Variants in PRPF3 observed in about 807,000 individuals in gnomAD.
PRPF3 encodes pre-mRNA processing factor 3.
A neutral mutation model predicts 89.2 loss-of-function variants in PRPF3; 3 were observed. The ratio of observed to expected loss-of-function variants is 0.03; its 90% confidence interval spans 0.02 to 0.09. The LOEUF (loss-of-function observed/expected upper bound fraction) is 0.09. Ranked by LOEUF, PRPF3 falls within the 10% of genes least tolerant of loss-of-function variation. PRPF3 has a pLI of 1.00. For synonymous variants in PRPF3, 270 were observed against 289.1 expected, an observed-to-expected ratio of 0.93 and a Z score of 0.67; for missense variants, 463 against 828.8, an observed-to-expected ratio of 0.56 and a Z score of 5.42.
At chr1:150,339,339 T>G (rs1482493786) in intron 8 of PRPF3, among the ~76,000 whole-genome samples, 1 of 151,184 alleles carries the variant, frequency 6.6e-6, no homozygotes, top group East Asian at 1.9e-4. Context: ...TCATGACCAC[T>G]GCACTCTATC....
At chr1:150,351,242 G>A (rs1043502056) in intron 15 of PRPF3, among the ~76,000 whole-genome samples, 4 of 152,150 alleles carry the variant, frequency 2.6e-5, no homozygotes, top group African/African-American at 9.7e-5. Flanking sequence ...TCCAGCCTGG[G>A]TGACAGTGCG....
chr1:150,341,128 GAAGA>G (rs1220456218), intron 9 of PRPF3, among the ~76,000 whole-genome samples: 2,029 of 117,450 alleles, frequency 0.017, 48 homozygotes, highest in African/African-American at 0.056. Flanking sequence ...AAAAAAAAAA[GAAGA>G]AAGAAAGAAA....
In PRPF3 at chr1:150,334,984, G is replaced by A; in HGVS notation, c.778G>A (p.Glu260Lys). ...QTKPTPLILD[E>K]QGRTVDATGK... ...GAAACCTACACCACTGATCCTGGAT[G>A]AGCAAGGGCGCACTGTAGATGCAAC... Residue 260 changes from glutamate to lysine, a missense_variant, in exon 7 of 16, where the codon GAG becomes AAG. Glu to Lys is a moderately conservative substitution (Grantham distance 56). This residue lies in a region of PRPF3 where 261 missense variants were observed against 475.8 expected (regional missense o/e 0.55). Transcript: ENST00000324862. 1 of 1,614,122 alleles carries A rather than the reference G, an allele frequency of 6.2e-7. No individual in the cohort carries two copies. The highest frequency in any genetic ancestry group is 8.5e-7 in the Non-Finnish European group (1 of 1,180,032).
chr1:150,348,941 C>A, intron 14 of PRPF3: 1 of 560,472 alleles, frequency 1.8e-6, no homozygotes, highest in Non-Finnish European at 3.2e-6. Context: ...TGATTCATAA[C>A]AAGTGCTATG....
chr1:150,328,159 A>T, intron 3 of PRPF3, 161 bp from the exon 4 acceptor site: 1 of 693,610 alleles, frequency 1.4e-6, no homozygotes, highest in Non-Finnish European at 2.5e-6. Flanking sequence ...GTTGGGTGAG[A>T]TGGAGAGTCT....
chr1:150,331,364 T>G (rs1656360875), intron 4 of PRPF3, among the ~76,000 whole-genome samples: 2 of 149,514 alleles, frequency 1.3e-5, no homozygotes, highest in East Asian at 4.0e-4. Context: ...TTTATTTTCT[T>G]TCTTTCTTTA....
At chr1:150,341,791 C>T (rs1220637281) in intron 9 of PRPF3, among the ~76,000 whole-genome samples, 3 of 151,440 alleles carry the variant, frequency 2.0e-5, no homozygotes, top group Non-Finnish European at 4.4e-5. Flanking sequence ...CAACTTTCAC[C>T]CCCCTGGGTT....
intron 3 of PRPF3, 68 bp downstream of exon 3, chr1:150,325,949 C>T: frequency 6.4e-7 from 1 of 1,573,374 alleles, no homozygotes; most frequent in Non-Finnish European, 8.7e-7. Context: ...GCTGAGCTTA[C>T]CAGTTCACAC....
chr1:150,328,496 G>C, intron 4 of PRPF3, 30 bp downstream of exon 4: 1 of 1,577,696 alleles, frequency 6.3e-7, no homozygotes, highest in Non-Finnish European at 8.6e-7. Context: ...AAGCAAAGTG[G>C]TTTTGTGAGT....
intron 6 of PRPF3, 80 bp from the exon 7 acceptor site, chr1:150,334,855 C>A: frequency 6.5e-7 from 1 of 1,531,582 alleles, no homozygotes; most frequent in Non-Finnish European, 8.9e-7. Context: ...AGGCTTGAGC[C>A]ACCACGCCTG....
In PRPF3 at chr1:150,353,033, C is replaced by T; in HGVS notation, c.*54C>T. On this transcript the variant is annotated 3_prime_UTR_variant, in exon 16 of 16. Transcript: ENST00000324862. Reference sequence around the variant, plus strand: ...CTTGCCTTTGTCTCTTCAGTCCTCTCACTTATTCTATTTCCCAACCCCCTC... The same window carrying T: ...CTTGCCTTTGTCTCTTCAGTCCTCTTACTTATTCTATTTCCCAACCCCCTC... 1.2e-6 allele frequency: 2 copies of T among 1,608,238 alleles called. No homozygotes were observed. The highest frequency in any genetic ancestry group is 1.7e-6 in the Non-Finnish European group (2 of 1,175,310).
intron 13 of PRPF3, 31 bp downstream of exon 13, chr1:150,346,167 C>A (rs781783175): frequency 1.3e-6 from 2 of 1,562,078 alleles, no homozygotes; most frequent in East Asian, 2.2e-5. Flanking sequence ...GGAGACTGTC[C>A]CCAGACAACC....
Position 150,348,842 on chromosome 1 carries a change from G to A in PRPF3, c.1844-315G>A, listed in dbSNP as rs989840474. The stretch of plus-strand genomic sequence containing the variant: ...AGAGTAATATATGATGTTGACATAT[G>A]AAGCCTGCCTCCCAAAGTGCCTAGG... On this transcript the variant is annotated intron_variant, in intron 14 of 15. Coordinates refer to ENST00000324862, the MANE Select transcript of PRPF3 (RefSeq NM_004698.4). 7 of 361,088 alleles carry A rather than the reference G, an allele frequency of 1.9e-5. 1 individual carries two copies. The highest frequency in any genetic ancestry group is 1.8e-4 in the South Asian group (7 of 38,256). The allele number at this position is 361,088 out of a possible 1,614,324, so 22.4% of individuals were successfully genotyped here.
chr1:150,325,614 G>T (rs1655621608), intron 2 of PRPF3, 137 bp from the exon 3 acceptor site: 6 of 1,131,386 alleles, frequency 5.3e-6, no homozygotes, highest in Non-Finnish European at 7.8e-6. Context: ...GTGTAAGAGA[G>T]ATGGGAATCC....
intron 14 of PRPF3, among the ~76,000 whole-genome samples, chr1:150,347,592 G>A (rs1165647798): frequency 6.6e-6 from 1 of 151,982 alleles, no homozygotes; most frequent in Non-Finnish European, 1.5e-5. Context: ...TCGGGGCGTG[G>A]TGGTGGACCT....
Position 150,353,100 on chromosome 1 carries a change from T to C in PRPF3, c.*121T>C, listed in dbSNP as rs1004853435. 3 of 1,345,924 alleles carry C rather than the reference T, an allele frequency of 2.2e-6. No homozygotes were observed. The African/African-American group carries it at 4.3e-5, about 19-fold the overall frequency. The allele number at this position is 1,345,924 out of a possible 1,614,324, so 83.4% of individuals were successfully genotyped here. On this transcript the variant is annotated 3_prime_UTR_variant, in exon 16 of 16. Transcript: ENST00000324862. ...TCTCAGAACTGTGCCAAGCAGACAC[T>C]GGGACAAAGGGAGAATATCTTGCTC...
At chr1:150,341,133 A>C (rs1370029266) in intron 9 of PRPF3, among the ~76,000 whole-genome samples, 1 of 146,192 alleles carries the variant, frequency 6.8e-6, no homozygotes, top group Non-Finnish European at 1.5e-5. Flanking sequence ...AAAAAGAAGA[A>C]AGAAAGAAAG....
chr1:150,333,627 T>G, intron 6 of PRPF3, among the ~76,000 whole-genome samples: 1 of 152,190 alleles, frequency 6.6e-6, no homozygotes, highest in Non-Finnish European at 1.5e-5. Context: ...TCTCACAGTT[T>G]CATATTTCTT....
Position 150,346,504 on chromosome 1 carries a change from T to C in PRPF3, c.1843+13T>C. 6.2e-7 allele frequency: 1 copy of C among 1,601,760 alleles called. No individual in the cohort carries two copies. ...ACAAAGGGAGATGGTGAATGGGGGT[T>C]AGAGGGGATTAAGGGGGAGAGCTAT... On this transcript the variant is annotated intron_variant, in intron 14 of 15. Transcript: ENST00000324862.
Sources: allele counts gnomAD v4.1 joint callset (sites outside exome capture counted in the v4.1 genomes callset), GRCh38; gene constraint gnomAD v4.1.1; regional missense constraint gnomAD v4.1.1; transcripts MANE v1.5; gene names NCBI Gene and HGNC (gene_info 2026-07-23, HGNC 2026-07-21).